Variants in ERC2 observed in about 807,000 individuals in gnomAD.
The protein encoded by ERC2 is ERC protein 2.
ERC2 carries 42 observed loss-of-function variants against 114.8 expected under a neutral mutation model. The observed-to-expected ratio is 0.37, with a 90% confidence interval of 0.29 to 0.47. ERC2 has a LOEUF of 0.47. Among genes scored for constraint, ERC2 ranks in the 20% least tolerant of loss-of-function variants. The pLI is 0.99. For missense variants in ERC2, 939 were observed against 1,150.7 expected (o/e 0.82, Z 2.66); for synonymous variants, 454 against 425.5 (o/e 1.07, Z -0.82).
chr3:55,953,810 C>A (rs2067745316), intron 12 of ERC2, among the ~76,000 whole-genome samples: 1 of 152,004 alleles, frequency 6.6e-6, no homozygotes, highest in Admixed American at 6.6e-5. Context: ...TTTTTGCTAG[C>A]AACAACTTCA....
chr3:56,002,952 C>T, intron 10 of ERC2: 2 of 523,368 alleles, frequency 3.8e-6, no homozygotes, highest in African/African-American at 2.0e-5. Context: ...GCAGTGGCCT[C>T]AGCACAGATC....
intron 4 of ERC2, among the ~76,000 whole-genome samples, chr3:56,168,420 T>C (rs2082437057): frequency 1.3e-5 from 2 of 152,154 alleles, no homozygotes; most frequent in African/African-American, 4.8e-5. Context: ...AAAACTGGGA[T>C]TGGCACAAAT....
At chr3:55,713,330 C>T (rs1028613714) in intron 15 of ERC2, among the ~76,000 whole-genome samples, 13 of 152,050 alleles carry the variant, frequency 8.5e-5, no homozygotes, top group African/African-American at 2.9e-4. Context: ...CCTGCCTCAG[C>T]CTCCCAAGTA....
intron 14 of ERC2, among the ~76,000 whole-genome samples, chr3:55,851,211 G>T (rs1271779411): frequency 6.9e-6 from 1 of 145,570 alleles, no homozygotes; most frequent in Non-Finnish European, 1.5e-5. Context: ...GGAGTTGGTG[G>T]CAGGATGAGA....
chr3:56,277,637 C>T (rs1454144381), intron 3 of ERC2, among the ~76,000 whole-genome samples: 1 of 151,970 alleles, frequency 6.6e-6, no homozygotes, highest in Non-Finnish European at 1.5e-5. Context: ...TGAACAGTCT[C>T]CTAGGCTTTC....
chr3:55,847,009 A>T (rs534052391), intron 14 of ERC2, among the ~76,000 whole-genome samples: 2 of 152,316 alleles, frequency 1.3e-5, no homozygotes, highest in East Asian at 3.9e-4. Context: ...TGAAGAAATG[A>T]TTGGCAGATG....
intron 13 of ERC2, among the ~76,000 whole-genome samples, chr3:55,916,492 C>T (rs762514064): frequency 2.6e-5 from 4 of 152,140 alleles, no homozygotes; most frequent in Non-Finnish European, 4.4e-5. Flanking sequence ...AATGCTTCTT[C>T]GTTAATAATC....
chr3:56,197,065 A>G (rs1456368374), intron 3 of ERC2, among the ~76,000 whole-genome samples: 14 of 152,210 alleles, frequency 9.2e-5, no homozygotes, highest in Non-Finnish European at 1.5e-5. Flanking sequence ...TCAGGTGTGA[A>G]AAAAGCTCTT....
At chr3:55,684,163 A>AT (rs2148779367) in intron 16 of ERC2, among the ~76,000 whole-genome samples, 1 of 152,282 alleles carries the variant, frequency 6.6e-6, no homozygotes, top group South Asian at 2.1e-4. Context: ...GCAGATGATT[A>AT]TTTTTTTGGA....
intron 14 of ERC2, among the ~76,000 whole-genome samples, chr3:55,800,395 G>A (rs1482582786): frequency 6.6e-6 from 1 of 152,044 alleles, no homozygotes; most frequent in East Asian, 1.9e-4. Flanking sequence ...ACCTGCCTCG[G>A]CCTACCAAAG....
intron 17 of ERC2, among the ~76,000 whole-genome samples, chr3:55,597,760 T>G (rs900417681): frequency 6.6e-6 from 1 of 152,200 alleles, no homozygotes; most frequent in African/African-American, 2.4e-5. Context: ...AATGAACATG[T>G]GCTGATGAAA....
chr3:56,318,961 C>CAAAAAAAAAA (rs35256298), intron 2 of ERC2, among the ~76,000 whole-genome samples: 1 of 81,586 alleles, frequency 1.2e-5, no homozygotes, highest in Non-Finnish European at 2.4e-5. Flanking sequence ...GACCCTGTCT[C>CAAAAAAAAAA]AAAAAAAAAA....
intron 3 of ERC2, among the ~76,000 whole-genome samples, chr3:56,244,395 A>C (rs139550938): frequency 2.6e-5 from 4 of 152,006 alleles, no homozygotes; most frequent in Admixed American, 6.6e-5. Context: ...CTTCAATGTA[A>C]ATTTTTTAAA....
intron 7 of ERC2, among the ~76,000 whole-genome samples, chr3:56,035,403 A>G (rs1056883695): frequency 6.6e-5 from 10 of 152,356 alleles, no homozygotes; most frequent in South Asian, 2.1e-4. Context: ...TAAAGAATTA[A>G]TGCCAATCCT....
intron 17 of ERC2, among the ~76,000 whole-genome samples, chr3:55,551,123 T>C (rs2055172039): frequency 6.6e-6 from 1 of 151,904 alleles, no homozygotes; most frequent in South Asian, 2.1e-4. Flanking sequence ...TATATGTGTA[T>C]AGATATACAC....
At chr3:55,759,869 CT>C (rs2067314092) in intron 14 of ERC2, among the ~76,000 whole-genome samples, 1 of 152,188 alleles carries the variant, frequency 6.6e-6, no homozygotes, top group South Asian at 2.1e-4. Context: ...TTAAATTGTG[CT>C]TAACGAGCTC....
At chr3:56,142,319 A>G (rs938070376) in intron 5 of ERC2, among the ~76,000 whole-genome samples, 1 of 151,870 alleles carries the variant, frequency 6.6e-6, no homozygotes, top group Non-Finnish European at 1.5e-5. Flanking sequence ...TTCAAGTTTT[A>G]TTTTAGCTTT....
intron 14 of ERC2, among the ~76,000 whole-genome samples, chr3:55,829,839 T>C (rs1407509658): frequency 6.6e-6 from 1 of 152,160 alleles, no homozygotes; most frequent in Non-Finnish European, 1.5e-5. Context: ...ATATCGAACA[T>C]TTGTGTCATT....
chr3:55,895,567 A>C (rs767965963), intron 13 of ERC2, among the ~76,000 whole-genome samples: 19 of 152,198 alleles, frequency 1.2e-4, no homozygotes, highest in Non-Finnish European at 2.5e-4. Context: ...GCCTGCACCC[A>C]TTCTGCACAA....
Sources: gnomAD v4.1 joint callset for allele counts (sites outside exome capture counted in the v4.1 genomes callset) on GRCh38, gnomAD v4.1.1 for gene constraint, MANE v1.5 for transcripts, NCBI Gene and HGNC (gene_info 2026-07-23, HGNC 2026-07-21) for gene names.